KCNAB1: variants seen among roughly 807,000 people sequenced by gnomAD.
KCNAB1 encodes voltage-gated potassium channel subunit beta-1.
In KCNAB1, 35 loss-of-function variants were observed where a neutral mutation model predicts 64.6. The observed-to-expected ratio is 0.54, with a 90% CI of 0.41 to 0.72. The LOEUF is 0.72. Among genes scored for constraint, KCNAB1 ranks in the 30% least tolerant of loss-of-function variants. KCNAB1 has a pLI of 0.00. For synonymous variants in KCNAB1, 177 were observed against 183.8 expected, an observed-to-expected ratio of 0.96 and a Z score of 0.30; for missense variants, 401 against 512.9, an observed-to-expected ratio of 0.78 and a Z score of 2.11.
intron 1 of KCNAB1, among the ~76,000 whole-genome samples, chr3:156,195,400 C>T (rs1295635006): frequency 6.6e-6 from 1 of 152,210 alleles, no homozygotes; most frequent in Admixed American, 6.5e-5. Context: ...ACACTCCCAC[C>T]AACAGTGTAA....
intron 1 of KCNAB1, among the ~76,000 whole-genome samples, chr3:156,278,207 C>T (rs750620786): frequency 1.8e-4 from 28 of 151,930 alleles, no homozygotes; most frequent in Admixed American, 1.7e-3. Flanking sequence ...TTTTCTCACC[C>T]GAAGAAGATG....
chr3:156,535,904 TA>T (rs1719023910), intron 13 of KCNAB1, among the ~76,000 whole-genome samples: 2 of 152,304 alleles, frequency 1.3e-5, no homozygotes, highest in Middle Eastern at 6.8e-3. Context: ...CCCCACTGCC[TA>T]AAGTGGGGAC....
chr3:156,329,527 T>G (rs1438996649), intron 1 of KCNAB1, among the ~76,000 whole-genome samples: 1 of 152,114 alleles, frequency 6.6e-6, no homozygotes, highest in Non-Finnish European at 1.5e-5. Flanking sequence ...ATAGGTTGGA[T>G]AGTAGATTAG....
At chr3:156,460,003 T>C (rs753445918) in intron 5 of KCNAB1, 132 bp downstream of exon 5, 2 of 594,726 alleles carry the variant, frequency 3.4e-6, no homozygotes, top group Non-Finnish European at 5.8e-6. Flanking sequence ...CAATGATTTA[T>C]AGTGGCTTGA....
intron 1 of KCNAB1, among the ~76,000 whole-genome samples, chr3:156,364,165 A>T (rs1422982378): frequency 6.6e-6 from 1 of 152,148 alleles, no homozygotes; most frequent in Non-Finnish European, 1.5e-5. Context: ...TTCCAGAGGT[A>T]ATCTGTCCCA....
At chr3:156,158,576 A>AT (rs1715896436) in intron 1 of KCNAB1, among the ~76,000 whole-genome samples, 1 of 152,230 alleles carries the variant, frequency 6.6e-6, no homozygotes, top group Non-Finnish European at 1.5e-5. Flanking sequence ...ACTGGCTTAT[A>AT]TAATAAAGGA....
rs150166978 is a variant in KCNAB1, at chr3:156,159,363, T to C, written c.275+38477T>C. ...GTCACATGACTAAAATGAGCAGAAA[T>C]CTTATCTAACTAAAAGTAAGAAGAG... On this transcript the variant is annotated intron_variant, in intron 1 of 13. Coordinates refer to ENST00000490337, the MANE Select transcript of KCNAB1 (RefSeq NM_172160.3). Among the ~76,000 whole-genome samples the C allele has an allele frequency of 2.0e-3, 310 of 152,318 alleles. 1 individual carries two copies. Among genetic ancestry groups the C allele is most frequent in the African/African-American group, 5.3e-3 (222 of 41,560 alleles).
intron 1 of KCNAB1, among the ~76,000 whole-genome samples, chr3:156,312,156 T>C (rs189835660): frequency 1.3e-5 from 2 of 152,312 alleles, no homozygotes; most frequent in East Asian, 3.9e-4. Flanking sequence ...CAGTGTTAAA[T>C]TGGTTTTGAG....
intron 2 of KCNAB1, among the ~76,000 whole-genome samples, chr3:156,422,492 G>C (rs1018990952): frequency 6.6e-6 from 1 of 152,174 alleles, no homozygotes; most frequent in African/African-American, 2.4e-5. Flanking sequence ...AAAAAGTCAA[G>C]GATGACTCTA....
At chr3:156,145,224 G>A (rs1714968851) in intron 1 of KCNAB1, among the ~76,000 whole-genome samples, 1 of 152,196 alleles carries the variant, frequency 6.6e-6, no homozygotes, top group Non-Finnish European at 1.5e-5. Context: ...AAATCAGTTT[G>A]AGGGGAGAAA....
chr3:156,298,822 G>T (rs979921755), intron 1 of KCNAB1, among the ~76,000 whole-genome samples: 10 of 152,194 alleles, frequency 6.6e-5, no homozygotes, highest in African/African-American at 2.2e-4. Flanking sequence ...ATTCGATATT[G>T]CAAGTTAATC....
At chr3:156,128,776 T>C (rs768933452) in intron 1 of KCNAB1, among the ~76,000 whole-genome samples, 18 of 152,352 alleles carry the variant, frequency 1.2e-4, no homozygotes, top group African/African-American at 3.8e-4. Context: ...ATTAAATCTT[T>C]CAATGGGTTG....
At chr3:156,334,888 C>T (rs1723582767) in intron 1 of KCNAB1, among the ~76,000 whole-genome samples, 1 of 152,164 alleles carries the variant, frequency 6.6e-6, no homozygotes, top group Non-Finnish European at 1.5e-5. Context: ...TGAAATTACA[C>T]CTGAATTTCC....
intron 1 of KCNAB1, among the ~76,000 whole-genome samples, chr3:156,125,195 A>G (rs1302924760): frequency 6.6e-6 from 1 of 152,124 alleles, no homozygotes; most frequent in Non-Finnish European, 1.5e-5. Context: ...GATTTGAAAG[A>G]GGAACGTGCT....
chr3:156,266,240 C>G (rs923210665), intron 1 of KCNAB1, among the ~76,000 whole-genome samples: 1 of 152,098 alleles, frequency 6.6e-6, no homozygotes, highest in Non-Finnish European at 1.5e-5. Flanking sequence ...CTGCATTACT[C>G]CCATTTTCTC....
intron 1 of KCNAB1, among the ~76,000 whole-genome samples, chr3:156,292,887 C>G (rs1720536717): frequency 6.6e-6 from 1 of 152,104 alleles, no homozygotes; most frequent in Admixed American, 6.5e-5. Flanking sequence ...CTATACAAAG[C>G]TTTTTAAAGA....
intron 8 of KCNAB1, among the ~76,000 whole-genome samples, chr3:156,513,369 C>T (rs1346823615): frequency 6.6e-6 from 1 of 152,202 alleles, no homozygotes; most frequent in East Asian, 1.9e-4. Context: ...AATACATCTA[C>T]TGCAACTCTA....
At chr3:156,429,510 T>G (rs1284629875) in intron 2 of KCNAB1, among the ~76,000 whole-genome samples, 2 of 152,228 alleles carry the variant, frequency 1.3e-5, no homozygotes, top group African/African-American at 4.8e-5. Context: ...CAGTGAATCT[T>G]AAGAATAAAC....
chr3:156,375,830 TTG>T (rs1711609158), intron 1 of KCNAB1, among the ~76,000 whole-genome samples: 1 of 102,252 alleles, frequency 9.8e-6, no homozygotes, highest in African/African-American at 5.7e-5. Flanking sequence ...CTTCTTTTTT[TTG>T]TGTGTGTGTT....
Sources: allele counts gnomAD v4.1 joint callset (sites outside exome capture counted in the v4.1 genomes callset), GRCh38; gene constraint gnomAD v4.1.1; transcripts MANE v1.5; gene names NCBI Gene and HGNC (gene_info 2026-07-23, HGNC 2026-07-21).